Variants in OR8B2 observed in about 807,000 individuals in gnomAD.
OR8B2 encodes the protein olfactory receptor family 8 subfamily B member 2.
For missense variants in OR8B2, 304 were observed against 379.6 expected (o/e 0.80, Z 1.65); for synonymous variants, 98 against 138.2 (o/e 0.71, Z 2.04).
upstream of OR8B2, among the ~76,000 whole-genome samples, chr11:124,385,634 T>TC (rs1491454803): frequency 0.051 from 150 of 2,924 alleles, no homozygotes; most frequent in Middle Eastern, 0.42. Context: ...TCTCTCTCTC[T>TC]TTTTTTTTTT....
chr11:124,389,045 C>T (rs987936943), upstream of OR8B2, among the ~76,000 whole-genome samples: 1 of 151,898 alleles, frequency 6.6e-6, no homozygotes, highest in Non-Finnish European at 1.5e-5. Flanking sequence ...AGGATGGTCT[C>T]AATCTCTTGA....
At chr11:124,390,128 C>G in the OR8B2 span, among the ~76,000 whole-genome samples, 117 of 152,212 alleles carry the variant, frequency 7.7e-4, no homozygotes, top group African/African-American at 2.6e-3. Context: ...TCAGAGACTG[C>G]TGGGACTAAC....
At chr11:124,384,612 A>C (rs546969143), upstream of OR8B2, 22 of 152,234 alleles carry the variant, frequency 1.4e-4, no homozygotes, top group Non-Finnish European at 2.8e-4. Context: ...TTAGAAAATC[A>C]GACTTCACAC....
At chr11:124,394,276 T>G in the OR8B2 span, among the ~76,000 whole-genome samples, 1 of 150,740 alleles carries the variant, frequency 6.6e-6, no homozygotes, top group Admixed American at 6.6e-5. Context: ...AATAAATAAA[T>G]AAATAAATAA....
At chr11:124,390,876 G>A in the OR8B2 span, among the ~76,000 whole-genome samples, 1,933 of 151,626 alleles carry the variant, frequency 0.013, 48 homozygotes, top group African/African-American at 0.045. Flanking sequence ...AAGCTTTTTT[G>A]TGAATGGTTT....
chr11:124,394,403 C>T, the OR8B2 span, among the ~76,000 whole-genome samples: 1 of 152,000 alleles, frequency 6.6e-6, no homozygotes, highest in African/African-American at 2.4e-5. Context: ...AAGGATAAAA[C>T]TGAAAGGAGC....
In OR8B2 at chr11:124,382,951, C is replaced by CA; in HGVS notation, c.392dup (p.Tyr132ValfsTer2). The stretch of plus-strand genomic sequence containing the variant: ...CCTGATGGGACATGGTGACCTTATA[C>CA]AGCAATGGATTACAGATGGCCACAT... On this transcript the variant is annotated frameshift_variant, in exon 2 of 2. Transcript: ENST00000641451. LOFTEE classifies it low-confidence loss of function (END_TRUNC). 1.2e-6 allele frequency: 2 copies of CA among 1,611,914 alleles called. No individual in the cohort carries two copies. Among genetic ancestry groups the CA allele is most frequent in the Non-Finnish European group, 1.7e-6 (2 of 1,178,614 alleles).
chr11:124,394,167 G>C, the OR8B2 span, among the ~76,000 whole-genome samples: 1 of 150,716 alleles, frequency 6.6e-6, no homozygotes, highest in Non-Finnish European at 1.5e-5. Flanking sequence ...AGGAGTTAAT[G>C]GGTGCAGCAC....
Position 124,383,380 on chromosome 11 carries a change from T to C in OR8B2, c.-17-20A>G. Reference sequence around the variant, plus strand: ...AAAAATCTGGGAAGACAAAAGAAAATTCTATTAGGAACACAGATTTCTTTT... The same window carrying C: ...AAAAATCTGGGAAGACAAAAGAAAACTCTATTAGGAACACAGATTTCTTTT... On this transcript the variant is annotated intron_variant, in intron 1 of 1. Transcript: ENST00000641451. 1 of 1,520,646 alleles carries C rather than the reference T, an allele frequency of 6.6e-7. No homozygotes were observed. The highest frequency in any genetic ancestry group is 8.9e-7 in the Non-Finnish European group (1 of 1,127,344). 94.2% of individuals were successfully genotyped at this position (1,520,646 alleles called of 1,614,324 possible).
chr11:124,383,561 A>G (rs142056460), intron 1 of OR8B2, among the ~76,000 whole-genome samples: 1,912 of 152,278 alleles, frequency 0.013, 49 homozygotes, highest in African/African-American at 0.044. Flanking sequence ...GTGACAAACA[A>G]TTGCTCCTGT....
the OR8B2 span, chr11:124,395,937 G>A: frequency 1.3e-5 from 2 of 154,054 alleles, no homozygotes; most frequent in East Asian, 1.9e-4. Flanking sequence ...ACAAGATCAA[G>A]GGGTGCTCAT....
the OR8B2 span, chr11:124,397,003 A>G: frequency 1.1e-5 from 17 of 1,613,790 alleles, no homozygotes; most frequent in African/African-American, 1.1e-4. Flanking sequence ...TATGCCATTG[A>G]GGTCAACATG....
the OR8B2 span, among the ~76,000 whole-genome samples, chr11:124,391,388 A>G: frequency 6.6e-6 from 1 of 152,164 alleles, no homozygotes; most frequent in African/African-American, 2.4e-5. Flanking sequence ...AAAGAAAAAA[A>G]GAGAGAAGAA....
chr11:124,388,908 C>T (rs1040554972), upstream of OR8B2, among the ~76,000 whole-genome samples: 3 of 150,170 alleles, frequency 2.0e-5, no homozygotes, highest in Non-Finnish European at 4.4e-5. Context: ...CTCACTGCAA[C>T]TCCACCTCCT....
At chr11:124,387,734 T>C (rs1226860139), upstream of OR8B2, among the ~76,000 whole-genome samples, 1 of 144,306 alleles carries the variant, frequency 6.9e-6, no homozygotes, top group African/African-American at 2.6e-5. Context: ...GTTGACTTGG[T>C]GATGCGGGCT....
chr11:124,389,483 G>A (rs1394510084), upstream of OR8B2, among the ~76,000 whole-genome samples: 1 of 152,126 alleles, frequency 6.6e-6, no homozygotes, highest in Admixed American at 6.6e-5. Flanking sequence ...GGACAAAGTA[G>A]AATCAAGTCA....
chr11:124,389,690 A>C, the OR8B2 span, among the ~76,000 whole-genome samples: 1 of 152,192 alleles, frequency 6.6e-6, no homozygotes, highest in African/African-American at 2.4e-5. Flanking sequence ...TTAATATTCC[A>C]GACTAATCAG....
the OR8B2 span, among the ~76,000 whole-genome samples, chr11:124,393,117 G>A: frequency 6.8e-6 from 1 of 146,554 alleles, no homozygotes; most frequent in Non-Finnish European, 1.5e-5. Flanking sequence ...ATTAATTCAA[G>A]ATGGATTAAA....
chr11:124,396,493 G>C, the OR8B2 span: 3 of 1,614,112 alleles, frequency 1.9e-6, no homozygotes, highest in Non-Finnish European at 2.5e-6. Context: ...CTGTAGATGA[G>C]AGGATTGAGC....
Sources: gnomAD v4.1 joint callset for allele counts (sites outside exome capture counted in the v4.1 genomes callset) on GRCh38, gnomAD v4.1.1 for gene constraint, MANE v1.5 for transcripts, NCBI Gene and HGNC (gene_info 2026-07-23, HGNC 2026-07-21) for gene names.